Variants in MACROD1 observed in about 807,000 individuals in gnomAD.
The protein encoded by MACROD1 is mono-ADP ribosylhydrolase 1.
Under a neutral mutation model 41.4 loss-of-function variants are expected in MACROD1, and 31 were observed. The observed-to-expected ratio is 0.75, with a 90% CI of 0.56 to 1.01. The LOEUF (loss-of-function observed/expected upper bound fraction) is 1.01, where lower values mean the gene tolerates loss of function less well. Among genes scored for constraint, MACROD1 ranks in the 50% least tolerant of loss-of-function variants. The pLI is 0.00. For synonymous variants in MACROD1, 252 were observed against 203.4 expected, an observed-to-expected ratio of 1.24 and a Z score of -2.03; for missense variants, 473 against 460.0, an observed-to-expected ratio of 1.03 and a Z score of -0.26.
chr11:64,077,057 A>T (rs1939264), intron 3 of MACROD1, among the ~76,000 whole-genome samples: 1 of 151,156 alleles, frequency 6.6e-6, no homozygotes, highest in African/African-American at 2.4e-5. Flanking sequence ...AGGGCAGGGT[A>T]GGGGGGTCCA....
chr11:64,031,711 CAA>C (rs539116139), intron 3 of MACROD1, among the ~76,000 whole-genome samples: 168 of 152,282 alleles, frequency 1.1e-3, no homozygotes, highest in African/African-American at 3.8e-3. Context: ...TGGCTGACCT[CAA>C]GTGATCCACC....
intron 3 of MACROD1, among the ~76,000 whole-genome samples, chr11:64,015,762 C>T (rs900017559): frequency 3.3e-5 from 5 of 152,184 alleles, no homozygotes; most frequent in South Asian, 2.1e-4. Context: ...CCGGGCTAAG[C>T]GCTGCCCAGG....
intron 3 of MACROD1, among the ~76,000 whole-genome samples, chr11:64,037,762 A>G (rs1435015417): frequency 1.3e-5 from 2 of 152,150 alleles, no homozygotes; most frequent in Non-Finnish European, 2.9e-5. Flanking sequence ...CACACCCCCA[A>G]GGCAGCTGTG....
At chr11:64,124,026 A>G (rs1945139804) in intron 3 of MACROD1, among the ~76,000 whole-genome samples, 1 of 152,182 alleles carries the variant, frequency 6.6e-6, no homozygotes, top group African/African-American at 2.4e-5. Flanking sequence ...GAAGTTCACC[A>G]TGTTGTTTAA....
intron 3 of MACROD1, among the ~76,000 whole-genome samples, chr11:64,089,971 T>C (rs1944461441): frequency 6.6e-6 from 1 of 152,186 alleles, no homozygotes. Flanking sequence ...TTGGATAAGA[T>C]GGCGTCTTCA....
At chr11:64,080,643 T>C (rs1044254777) in intron 3 of MACROD1, among the ~76,000 whole-genome samples, 13 of 152,244 alleles carry the variant, frequency 8.5e-5, no homozygotes, top group African/African-American at 3.1e-4. Flanking sequence ...GTTACGTTTA[T>C]GAGCCTCCCC....
At position 64,000,235 on chromosome 11, in the gene MACROD1, G is replaced by A. The variant is rs748704120; in HGVS notation, c.656C>T (p.Pro219Leu). Residue 219 changes from proline to leucine, a missense_variant, in exon 5 of 11, where the codon CCG becomes CTG. Pro to Leu is a moderately conservative substitution (Grantham distance 98). Coordinates refer to ENST00000255681, the MANE Select transcript of MACROD1 (RefSeq NM_014067.4). ...KAKITGGYRLPAKYVIHTVGP... is the reference protein window; with the variant it reads ...KAKITGGYRLLAKYVIHTVGP... The stretch of plus-strand genomic sequence containing the variant: ...GCGCGTCGGGGACTCACACTTGGCC[G>A]GGAGCCGATAGCCGCCGGTGATCTT... The A allele has an allele frequency of 2.5e-6, 4 of 1,605,634 alleles. No individual in the cohort carries two copies. The highest frequency in any genetic ancestry group is 3.4e-6 in the Non-Finnish European group (4 of 1,177,094).
In MACROD1 at chr11:64,110,992, A is replaced by G. The variant is rs188077081; in HGVS notation, c.517+40247T>C. On this transcript the variant is annotated intron_variant, in intron 3 of 10. Coordinates refer to ENST00000255681, the MANE Select transcript of MACROD1 (RefSeq NM_014067.4). ...GCAGGGGAGCCTTTGGCCAAGATGG[A>G]TGAGGCCCACAGACAGTGGAGCGGA... 1.4e-3 allele frequency among the ~76,000 whole-genome samples: 211 copies of G among 152,302 alleles called. 2 individuals are homozygous for G. The highest frequency in any genetic ancestry group is 2.5e-4 in the Non-Finnish European group (17 of 68,030).
intron 3 of MACROD1, among the ~76,000 whole-genome samples, chr11:64,088,909 G>C (rs967086455): frequency 3.9e-5 from 6 of 152,140 alleles, no homozygotes; most frequent in African/African-American, 1.4e-4. Flanking sequence ...CAAAGTCATG[G>C]GCGGGGTTAG....
rs1216052075 is a variant in MACROD1 at position 64,010,280 on chromosome 11, GGCTGGCATGTTGGGGT to G, written c.547+4956_547+4971del. Among the ~76,000 whole-genome samples, 346 of 143,650 alleles carry G rather than the reference GGCTGGCATGTTGGGGT, an allele frequency of 2.4e-3. 1 individual carries two copies. Among genetic ancestry groups the G allele is most frequent in the Non-Finnish European group, 3.5e-3 (228 of 64,256 alleles). 94.2% of individuals were successfully genotyped at this position (143,650 alleles called of 152,430 possible). ...TGGCTGGCATGTTGGTTGGGGTGTT[GGCTGGCATGTTGGGGT>G]GTTGGAGTGTTGGCTGGTATGTTGT... On this transcript the variant is annotated intron_variant, in intron 4 of 10. Transcript: ENST00000255681.
chr11:64,126,489 G>A lies in MACROD1; in HGVS notation c.517+24750C>T, dbSNP rs140569434. On this transcript the variant is annotated intron_variant, in intron 3 of 10. Coordinates refer to ENST00000255681, the MANE Select transcript of MACROD1 (RefSeq NM_014067.4). ...AGATGAAAGTTATCTGAAAGAGCCCGTACCCCCTATAAACACGGCAGAGGA... is the reference window on the plus strand; with the variant it reads ...AGATGAAAGTTATCTGAAAGAGCCCATACCCCCTATAAACACGGCAGAGGA... Among the ~76,000 whole-genome samples the A allele has an allele frequency of 3.1e-4, 47 of 152,276 alleles. No individual in the cohort carries two copies. The East Asian group carries it at 5.6e-3, about 18-fold the overall frequency.
chr11:64,137,213 C>T (rs1945345314), intron 3 of MACROD1, among the ~76,000 whole-genome samples: 1 of 152,146 alleles, frequency 6.6e-6, no homozygotes, highest in African/African-American at 2.4e-5. Flanking sequence ...AGACAAGAGG[C>T]CCAGAGGCCA....
chr11:64,052,478 T>G (rs2134415716), intron 3 of MACROD1, among the ~76,000 whole-genome samples: 1 of 152,256 alleles, frequency 6.6e-6, no homozygotes, highest in Middle Eastern at 3.4e-3. Flanking sequence ...GGGCCAAGCT[T>G]GTGGGAAGGT....
intron 4 of MACROD1, among the ~76,000 whole-genome samples, chr11:64,002,499 G>T (rs892897398): frequency 2.0e-5 from 3 of 152,166 alleles, no homozygotes; most frequent in African/African-American, 7.2e-5. Context: ...TGGCTCTGCA[G>T]GGGCCCCAGG....
intron 3 of MACROD1, among the ~76,000 whole-genome samples, chr11:64,079,199 G>A (rs186167198): frequency 4.4e-4 from 67 of 152,244 alleles, no homozygotes; most frequent in African/African-American, 1.6e-3. Context: ...GATGAGGGAA[G>A]AGGGTGTGTA....
At chr11:64,018,227 C>G (rs1943108120) in intron 3 of MACROD1, among the ~76,000 whole-genome samples, 1 of 152,124 alleles carries the variant, frequency 6.6e-6, no homozygotes, top group Admixed American at 6.5e-5. Context: ...AGTGGGTGCC[C>G]CGGGAGGCCA....
chr11:64,019,729 G>A (rs1429070115), intron 3 of MACROD1, among the ~76,000 whole-genome samples: 1 of 152,214 alleles, frequency 6.6e-6, no homozygotes, highest in Non-Finnish European at 1.5e-5. Flanking sequence ...CCTGACCGGA[G>A]GGGTAGCTGG....
chr11:64,121,076 G>A (rs778692054), intron 3 of MACROD1, among the ~76,000 whole-genome samples: 9 of 152,144 alleles, frequency 5.9e-5, no homozygotes, highest in African/African-American at 2.2e-4. Flanking sequence ...GGGCAGGAGT[G>A]CGGGAGACTT....
At chr11:64,161,697 G>A (rs1441640341) in intron 1 of MACROD1, among the ~76,000 whole-genome samples, 1 of 152,254 alleles carries the variant, frequency 6.6e-6, no homozygotes, top group African/African-American at 2.4e-5. Context: ...ATTTTGGGAG[G>A]CTGCGGTGGG....
Sources: gnomAD v4.1 joint callset for allele counts (sites outside exome capture counted in the v4.1 genomes callset) on GRCh38, gnomAD v4.1.1 for gene constraint, MANE v1.5 for transcripts, NCBI Gene and HGNC (gene_info 2026-07-23, HGNC 2026-07-21) for gene names.